LRP1B: variants seen among roughly 807,000 people sequenced by gnomAD.
LRP1B encodes the protein low-density lipoprotein receptor-related protein 1B.
A neutral mutation model predicts 556.6 loss-of-function variants in LRP1B; 217 were observed. The observed-to-expected ratio is 0.39, with a 90% confidence interval of 0.35 to 0.44. The LOEUF is 0.44. Among genes scored for constraint, LRP1B ranks in the 20% least tolerant of loss-of-function variants. The pLI, the probability that LRP1B is intolerant of heterozygous loss-of-function variation, is 1.00. For missense variants in LRP1B, 5,053 were observed against 5,620.8 expected, an observed-to-expected ratio of 0.90 and a Z score of 3.23; for synonymous variants, 2,047 against 1,865.8, an observed-to-expected ratio of 1.10 and a Z score of -2.50.
At chr2:141,693,750 ATTC>A (rs921993360) in intron 2 of LRP1B, among the ~76,000 whole-genome samples, 2 of 151,866 alleles carry the variant, frequency 1.3e-5, no homozygotes, top group African/African-American at 4.8e-5. Context: ...TGTCTAAGGG[ATTC>A]TTATCAATGC....
At chr2:141,150,565 T>C (rs570240818) in intron 7 of LRP1B, among the ~76,000 whole-genome samples, 2 of 152,328 alleles carry the variant, frequency 1.3e-5, no homozygotes, top group South Asian at 4.1e-4. Flanking sequence ...TTCATATTTC[T>C]TTGCTACGAG....
At position 140,918,183 on chromosome 2, in the gene LRP1B, A is replaced by G. The variant is rs535425463; in HGVS notation, c.3319+4782T>C. Among the ~76,000 whole-genome samples the G allele has an allele frequency of 3.9e-5, 4 of 102,088 alleles. No individual in the cohort carries two copies. The East Asian group carries it at 1.0e-3, about 26-fold the overall frequency. 67.0% of individuals were successfully genotyped at this position (102,088 alleles called of 152,430 possible). A position where few individuals can be genotyped will look rare whatever the true frequency, so the allele number is the denominator to read the frequency against. On this transcript the variant is annotated intron_variant, in intron 21 of 90. Transcript: ENST00000389484. ...AAAAATCATTCTGCTGTAGATTTCT[A>G]TTTTGTGTGTGTGTGTGTGTGTGTG...
intron 1 of LRP1B, among the ~76,000 whole-genome samples, chr2:141,881,580 G>A (rs758775411): frequency 2.0e-5 from 3 of 151,748 alleles, no homozygotes; most frequent in African/African-American, 7.3e-5. Context: ...AAAAATCATC[G>A]GCAGATATTC....
At chr2:140,956,716 AC>A (rs1695884470) in intron 18 of LRP1B, among the ~76,000 whole-genome samples, 1 of 151,724 alleles carries the variant, frequency 6.6e-6, no homozygotes, top group African/African-American at 2.4e-5. Context: ...CTGTCACATA[AC>A]AATCTCATTT....
intron 3 of LRP1B, among the ~76,000 whole-genome samples, chr2:141,275,620 G>A (rs1255264365): frequency 6.6e-6 from 1 of 152,158 alleles, no homozygotes; most frequent in African/African-American, 2.4e-5. Context: ...GGCTGAGGTG[G>A]GAGGATAACT....
intron 2 of LRP1B, among the ~76,000 whole-genome samples, chr2:141,594,936 A>T (rs1687466718): frequency 6.6e-6 from 1 of 152,100 alleles, no homozygotes; most frequent in African/African-American, 2.4e-5. Flanking sequence ...AAGTTTATGA[A>T]CTATGAGAGA....
intron 1 of LRP1B, among the ~76,000 whole-genome samples, chr2:142,033,825 A>G (rs567071649): frequency 6.6e-6 from 1 of 151,894 alleles, no homozygotes; most frequent in South Asian, 2.1e-4. Context: ...GTTCTATAAT[A>G]ATAATTCTCT....
Position 140,568,971 on chromosome 2 carries a change from T to C in LRP1B, c.7195-27000A>G, listed in dbSNP as rs2105100242. Among the ~76,000 whole-genome samples, 3 of 152,008 alleles carry C rather than the reference T, an allele frequency of 2.0e-5. No individual in the cohort carries two copies. In the South Asian group the frequency reaches 6.2e-4, roughly 32 times the overall value. ...GGAATTCATTATCACCAGACCAACC[T>C]TACAAGAAATGCTCAAGTGAGTCCT... is the stretch of plus-strand genomic sequence containing the variant. On this transcript the variant is annotated intron_variant, in intron 43 of 90. Transcript: ENST00000389484.
chr2:141,018,417 T>C (rs889366084), intron 12 of LRP1B, among the ~76,000 whole-genome samples: 8 of 152,130 alleles, frequency 5.3e-5, no homozygotes, highest in Non-Finnish European at 1.2e-4. Context: ...AAATATTCTA[T>C]TAATCAGAAT....
At chr2:141,903,377 A>G (rs752991028) in intron 1 of LRP1B, among the ~76,000 whole-genome samples, 3 of 151,940 alleles carry the variant, frequency 2.0e-5, no homozygotes, top group Non-Finnish European at 4.4e-5. Flanking sequence ...TCTGAGGTCC[A>G]TGTCTAACTA....
chr2:140,795,020 G>A (rs1385290433), intron 32 of LRP1B, among the ~76,000 whole-genome samples: 1 of 152,074 alleles, frequency 6.6e-6, no homozygotes, highest in Non-Finnish European at 1.5e-5. Context: ...CTCAATTAAA[G>A]ACAATACTAG....
chr2:140,819,253 T>C (rs1691237205), intron 31 of LRP1B, among the ~76,000 whole-genome samples: 1 of 152,182 alleles, frequency 6.6e-6, no homozygotes, highest in African/African-American at 2.4e-5. Context: ...CTTGCAACCA[T>C]CTCTCTGGTA....
intron 11 of LRP1B, among the ~76,000 whole-genome samples, chr2:141,035,227 G>A (rs1002216248): frequency 1.3e-5 from 2 of 151,656 alleles, no homozygotes; most frequent in Non-Finnish European, 2.9e-5. Flanking sequence ...AGGGGGGAGG[G>A]ATAGCATTAG....
At chr2:140,850,357 C>A in intron 28 of LRP1B, 28 bp from the exon 29 acceptor site, 1 of 1,406,492 alleles carries the variant, frequency 7.1e-7, no homozygotes. Context: ...ATTCTTTTCT[C>A]TTATGAAGTT....
intron 1 of LRP1B, among the ~76,000 whole-genome samples, chr2:141,836,331 T>C (rs796118175): frequency 5.9e-5 from 9 of 152,176 alleles, no homozygotes; most frequent in African/African-American, 2.2e-4. Context: ...CATAGATTAA[T>C]TGTTATTTTT....
chr2:141,592,954 TC>T (rs1356997539), intron 2 of LRP1B, among the ~76,000 whole-genome samples: 2 of 152,146 alleles, frequency 1.3e-5, no homozygotes, highest in African/African-American at 4.8e-5. Flanking sequence ...TAATAGAGTC[TC>T]CCTTATTTCT....
At chr2:141,848,589 TAAGA>T (rs1451239923) in intron 1 of LRP1B, among the ~76,000 whole-genome samples, 1 of 151,484 alleles carries the variant, frequency 6.6e-6, no homozygotes, top group Non-Finnish European at 1.5e-5. Flanking sequence ...ATGAAAAATA[TAAGA>T]AAGATAATTA....
chr2:140,833,339 G>A (rs1018843349), intron 31 of LRP1B, among the ~76,000 whole-genome samples: 1 of 152,180 alleles, frequency 6.6e-6, no homozygotes, highest in Non-Finnish European at 1.5e-5. Context: ...TGTGGCAGTA[G>A]GAGGCGTTCT....
rs1427035383 is a variant in LRP1B at position 141,822,122 on chromosome 2, C to CAGAGAGAGAG, written c.83-11722_83-11721insCTCTCTCTCT. 7.2e-3 allele frequency among the ~76,000 whole-genome samples: 762 copies of CAGAGAGAGAG among 106,036 alleles called. 5 individuals are homozygous for CAGAGAGAGAG. Among genetic ancestry groups the CAGAGAGAGAG allele is most frequent in the Non-Finnish European group, 9.7e-3 (526 of 54,454 alleles). 69.6% of individuals were successfully genotyped at this position (106,036 alleles called of 152,430 possible). On this transcript the variant is annotated intron_variant, in intron 1 of 90. Transcript: ENST00000389484. ...ACACACACACACACACACACACACACACACACACAGAGAGAGAGAGAGAGA... is the reference window on the plus strand; with the variant it reads ...ACACACACACACACACACACACACACAGAGAGAGAGACACACACAGAGAGAGAGAGAGAGA...
Sources: allele counts gnomAD v4.1 joint callset (sites outside exome capture counted in the v4.1 genomes callset), GRCh38; gene constraint gnomAD v4.1.1; transcripts MANE v1.5; gene names NCBI Gene and HGNC (gene_info 2026-07-23, HGNC 2026-07-21).